DOCK4: variants seen among roughly 807,000 people sequenced by gnomAD.
DOCK4 encodes dedicator of cytokinesis 4, also known as dedicator of cytokinesis protein 4.
DOCK4 carries 97 observed loss-of-function variants against 268.1 expected under a neutral mutation model. The observed-to-expected ratio is 0.36, with a 90% CI of 0.31 to 0.43. DOCK4 has a LOEUF of 0.43. Among genes scored for constraint, DOCK4 ranks in the 20% least tolerant of loss-of-function variants. The pLI is 1.00. For missense variants in DOCK4, 2,145 were observed against 2,455.7 expected (o/e 0.87, Z 2.67); for synonymous variants, 954 against 887.2 (o/e 1.08, Z -1.34).
intron 8 of DOCK4, among the ~76,000 whole-genome samples, chr7:111,949,934 T>C (rs1342351302): frequency 1.3e-5 from 2 of 152,232 alleles, no homozygotes; most frequent in Non-Finnish European, 2.9e-5. Flanking sequence ...TTTTTTTCCT[T>C]TCTTTCTTTT....
chr7:111,839,857 G>T (rs574008518), intron 25 of DOCK4, among the ~76,000 whole-genome samples: 3 of 151,876 alleles, frequency 2.0e-5, no homozygotes, highest in Non-Finnish European at 2.9e-5. Context: ...GGTTTTTGGG[G>T]AAACAGGTGG....
At position 111,995,022 on chromosome 7, in the gene DOCK4, AAG is replaced by A. The variant is rs529673274; in HGVS notation, c.219-793_219-792del. ...ATGCATGAGGAGATGGGGGAAATAA[AAG>A]AGAAGTTTTGTGTTTTTTTTTTTTG... On this transcript the variant is annotated intron_variant, in intron 4 of 52. Coordinates refer to ENST00000428084, the MANE Select transcript of DOCK4 (RefSeq NM_001363540.2). Among the ~76,000 whole-genome samples the A allele has an allele frequency of 5.5e-3, 807 of 146,386 alleles. 8 individuals are homozygous for A. The highest frequency in any genetic ancestry group is 0.046 in the South Asian group (216 of 4,656).
chr7:111,889,270 AATT>A (rs1808097077), intron 16 of DOCK4, among the ~76,000 whole-genome samples: 1 of 152,132 alleles, frequency 6.6e-6, no homozygotes, highest in East Asian at 1.9e-4. Flanking sequence ...TCAAGTGATC[AATT>A]CTTCTATACC....
At chr7:112,120,049 A>G (rs959785665) in intron 1 of DOCK4, among the ~76,000 whole-genome samples, 11 of 152,144 alleles carry the variant, frequency 7.2e-5, no homozygotes, top group Admixed American at 3.9e-4. Flanking sequence ...GGGTTTCACC[A>G]TGTTAGCCAG....
At chr7:112,121,150 A>G (rs1259129460) in intron 1 of DOCK4, among the ~76,000 whole-genome samples, 1 of 152,202 alleles carries the variant, frequency 6.6e-6, no homozygotes, top group Non-Finnish European at 1.5e-5. Flanking sequence ...GCAAAACTAA[A>G]TAACTCTCTT....
intron 1 of DOCK4, among the ~76,000 whole-genome samples, chr7:112,048,204 T>C (rs1804995933): frequency 6.6e-6 from 1 of 151,748 alleles, no homozygotes; most frequent in South Asian, 2.1e-4. Flanking sequence ...AAGAAAACTA[T>C]ACATCATAAT....
rs1287476769 is a variant in DOCK4, at chr7:111,867,970, T to C, written c.2280+14A>G. The C allele has an allele frequency of 6.4e-7, 1 of 1,572,900 alleles. No homozygotes were observed. Among genetic ancestry groups the C allele is most frequent in the Non-Finnish European group, 8.6e-7 (1 of 1,161,474 alleles). ...ATCGTTTTCTTCTATTCAGCATAGATGAAAAGAAATTACCTGTGACTGAGA... is the reference window on the plus strand; with the variant it reads ...ATCGTTTTCTTCTATTCAGCATAGACGAAAAGAAATTACCTGTGACTGAGA... On this transcript the variant is annotated intron_variant, in intron 22 of 52. Transcript: ENST00000428084.
At chr7:112,060,408 T>A (rs1806289952) in intron 1 of DOCK4, among the ~76,000 whole-genome samples, 1 of 152,132 alleles carries the variant, frequency 6.6e-6, no homozygotes, top group African/African-American at 2.4e-5. Flanking sequence ...AAAAATAGTA[T>A]AATGGTTCCT....
chr7:111,823,706 G>A (rs1339409145), intron 26 of DOCK4, among the ~76,000 whole-genome samples: 5 of 152,176 alleles, frequency 3.3e-5, no homozygotes, highest in Admixed American at 3.3e-4. Flanking sequence ...GGTAACCTAA[G>A]TGATTCTAGG....
intron 42 of DOCK4, among the ~76,000 whole-genome samples, chr7:111,749,085 T>G (rs887253499): frequency 2.0e-5 from 3 of 152,120 alleles, no homozygotes; most frequent in Non-Finnish European, 4.4e-5. Flanking sequence ...GTCAGGATAG[T>G]GACTACTTTT....
At chr7:111,970,691 C>T (rs1052250708) in intron 8 of DOCK4, among the ~76,000 whole-genome samples, 2 of 152,130 alleles carry the variant, frequency 1.3e-5, no homozygotes, top group Non-Finnish European at 2.9e-5. Context: ...ACTGTATACA[C>T]CTCAAATAAA....
At chr7:111,981,744 A>G (rs1378149911) in intron 7 of DOCK4, among the ~76,000 whole-genome samples, 2 of 152,156 alleles carry the variant, frequency 1.3e-5, no homozygotes, top group Non-Finnish European at 2.9e-5. Flanking sequence ...CTAGGATCTG[A>G]GCTGTAACAT....
intron 13 of DOCK4, among the ~76,000 whole-genome samples, chr7:111,904,835 TTGTTA>T (rs1313179152): frequency 2.6e-5 from 4 of 152,094 alleles, no homozygotes; most frequent in African/African-American, 9.7e-5. Context: ...CAACACTACT[TTGTTA>T]TATTATGCTG....
intron 43 of DOCK4, among the ~76,000 whole-genome samples, chr7:111,747,051 C>T (rs1398458075): frequency 1.3e-5 from 2 of 152,074 alleles, no homozygotes; most frequent in South Asian, 2.1e-4. Flanking sequence ...CACACACACA[C>T]ACATTTTTAT....
Position 111,877,329 on chromosome 7 carries a change from G to A in DOCK4, c.1588-143C>T, listed in dbSNP as rs145710716. 434 of 725,148 alleles carry A rather than the reference G, an allele frequency of 6.0e-4. 4 individuals are homozygous for A. In the African/African-American group the frequency reaches 7.0e-3, roughly 12 times the overall value. 44.9% of individuals were successfully genotyped at this position (725,148 alleles called of 1,614,324 possible). On this transcript the variant is annotated intron_variant, in intron 16 of 52. Coordinates refer to ENST00000428084, the MANE Select transcript of DOCK4 (RefSeq NM_001363540.2). The stretch of plus-strand genomic sequence containing the variant: ...GTAGAATTTGGTTTTTAAATAAAAT[G>A]CAAAAAAACTGTATAAAATAATTAA...
At chr7:111,919,632 G>C (rs1792935551) in intron 12 of DOCK4, among the ~76,000 whole-genome samples, 1 of 152,146 alleles carries the variant, frequency 6.6e-6, no homozygotes, top group Admixed American at 6.5e-5. Flanking sequence ...TTGAGGGGGA[G>C]GGCAGTTACT....
At chr7:112,099,477 T>C (rs1174852782) in intron 1 of DOCK4, among the ~76,000 whole-genome samples, 1 of 152,174 alleles carries the variant, frequency 6.6e-6, no homozygotes, top group African/African-American at 2.4e-5. Context: ...ATTATGTATT[T>C]ACTTGTGTTT....
At chr7:112,081,613 T>G (rs576208247) in intron 1 of DOCK4, among the ~76,000 whole-genome samples, 2 of 152,336 alleles carry the variant, frequency 1.3e-5, no homozygotes, top group Admixed American at 1.3e-4. Context: ...TATCCCTTTC[T>G]TATTTTACGT....
intron 1 of DOCK4, among the ~76,000 whole-genome samples, chr7:112,030,077 C>T (rs1456387821): frequency 6.6e-6 from 1 of 152,228 alleles, no homozygotes; most frequent in Non-Finnish European, 1.5e-5. Context: ...CATGTCACAT[C>T]TCCAATTCAA....
Sources: gnomAD v4.1 joint callset for allele counts (sites outside exome capture counted in the v4.1 genomes callset) on GRCh38, gnomAD v4.1.1 for gene constraint, MANE v1.5 for transcripts, NCBI Gene and HGNC (gene_info 2026-07-23, HGNC 2026-07-21) for gene names.